The following PTPRB variants were observed in gnomAD, a reference collection of about 807,000 sequenced individuals.
The protein encoded by PTPRB is protein tyrosine phosphatase receptor type B.
A neutral mutation model predicts 238.1 loss-of-function variants in PTPRB; 97 were observed. The ratio of observed to expected loss-of-function variants is 0.41; its 90% confidence interval spans 0.35 to 0.48. PTPRB has a LOEUF of 0.48. Ranked by LOEUF, PTPRB falls within the 20% of genes least tolerant of loss-of-function variation. The pLI is 0.30. For missense variants in PTPRB, 2,292 were observed against 2,681.9 expected, an observed-to-expected ratio of 0.85 and a Z score of 3.21; for synonymous variants, 970 against 995.4, an observed-to-expected ratio of 0.97 and a Z score of 0.48.
rs147227602 is a variant in PTPRB at position 70,538,958 on chromosome 12, A to C, written c.5835T>G (p.Asn1945Lys). 1 of 1,613,734 alleles carries C rather than the reference A, an allele frequency of 6.2e-7. No homozygotes were observed. Among genetic ancestry groups the C allele is most frequent in the African/African-American group, 1.3e-5 (1 of 75,058 alleles). The stretch of plus-strand genomic sequence containing the variant: ...TATTGTTGTATCGATTTTTCCCTCT[A>C]TTCTCCGGCAAGAGTGCAATGTCAC... ...QSCDIALLPE[N>K]RGKNRYNNIL... The change falls in exon 27 of 34, where the codon AAT (asparagine) becomes AAG (lysine). Residue 1945 changes from asparagine to lysine, a missense_variant. Asn to Lys is a moderately conservative substitution (Grantham distance 94, BLOSUM62 0). Around this residue, in one of 4 missense-constraint regions of PTPRB, gnomAD observed 397 missense variants for 502.0 expected, o/e 0.79. Transcript: ENST00000334414.
chr12:70,544,660 G>A lies in PTPRB; in HGVS notation c.5391C>T (p.Ile1797=), dbSNP rs114042809. 743 of 1,567,042 alleles carry A rather than the reference G, an allele frequency of 4.7e-4. 3 individuals are homozygous for A. The African/African-American group carries it at 8.9e-3, about 19-fold the overall frequency. Residue 1797 remains isoleucine, a synonymous_variant, in exon 22 of 34, where the codon ATC becomes ATT. Coordinates refer to ENST00000334414, the MANE Select transcript of PTPRB (RefSeq NM_001109754.4). ...AGAGCTGTGTAAAAGCTCGAATGCT[G>A]ATTCTGAAAAGAAAACCGATTTATT... The part of the protein sequence containing the change: ...GPLKPHTAYR[I]SIRAFTQLFD...
intron 4 of PTPRB, among the ~76,000 whole-genome samples, chr12:70,599,731 TC>T (rs2136498500): frequency 6.6e-6 from 1 of 152,288 alleles, no homozygotes; most frequent in East Asian, 1.9e-4. Context: ...ACACAATTTT[TC>T]TTTTCTCAAA....
intron 10 of PTPRB, among the ~76,000 whole-genome samples, chr12:70,577,424 G>A (rs746249086): frequency 5.9e-5 from 9 of 152,154 alleles, no homozygotes; most frequent in Non-Finnish European, 1.0e-4. Context: ...ACGCATGAAT[G>A]TCTTCAAGAA....
chr12:70,576,836 T>C (rs1880835090), intron 10 of PTPRB, among the ~76,000 whole-genome samples, 191 bp from the exon 11 acceptor site: 1 of 152,100 alleles, frequency 6.6e-6, no homozygotes, highest in East Asian at 1.9e-4. Context: ...TGAGTGTTCT[T>C]ACATCAGAAA....
chr12:70,554,227 G>C (rs1325385557), intron 20 of PTPRB, among the ~76,000 whole-genome samples: 1 of 152,182 alleles, frequency 6.6e-6, no homozygotes, highest in Non-Finnish European at 1.5e-5. Context: ...CATTGGCCTA[G>C]AAACTCCTCA....
chr12:70,605,424 C>T (rs1592579401), intron 4 of PTPRB, among the ~76,000 whole-genome samples: 1 of 152,202 alleles, frequency 6.6e-6, no homozygotes, highest in Admixed American at 6.5e-5. Context: ...ATCCATCTAT[C>T]CATCCATTTA....
At chr12:70,601,603 T>G (rs1441731933) in intron 4 of PTPRB, among the ~76,000 whole-genome samples, 2 of 151,924 alleles carry the variant, frequency 1.3e-5, no homozygotes, top group Non-Finnish European at 2.9e-5. Context: ...GGAGTAAACA[T>G]CCACTATTCA....
intron 3 of PTPRB, among the ~76,000 whole-genome samples, chr12:70,619,157 AGTGTGTGTGTGTGTGT>A (rs3049143): frequency 7.0e-6 from 1 of 142,118 alleles, no homozygotes; most frequent in Non-Finnish European, 1.5e-5. Flanking sequence ...TGTTTAGGGG[AGTGTGTGTGTGTGTGT>A]GTGTGTGTGT....
At chr12:70,584,883 AATT>A (rs1189290873) in intron 9 of PTPRB, 1 of 152,150 alleles carries the variant, frequency 6.6e-6, no homozygotes, top group Non-Finnish European at 1.5e-5. Context: ...ATAAAGCAAT[AATT>A]ATATTTTTGT....
intron 32 of PTPRB, among the ~76,000 whole-genome samples, chr12:70,525,127 A>T (rs1357985896): frequency 6.6e-6 from 1 of 152,142 alleles, no homozygotes; most frequent in East Asian, 1.9e-4. Flanking sequence ...AATGATTTCA[A>T]AAACCTTGTG....
chr12:70,545,329 A>G (rs10879160), intron 21 of PTPRB, among the ~76,000 whole-genome samples: 19,416 of 152,180 alleles, frequency 0.13, 2,873 homozygotes, highest in African/African-American at 0.36. Flanking sequence ...AAATATCAAT[A>G]TTATTGTTGT....
chr12:70,562,700 T>C lies in PTPRB; in HGVS notation c.4168+144A>G, dbSNP rs865870554. The C allele has an allele frequency of 3.5e-5, 37 of 1,045,554 alleles. No homozygotes were observed. In the South Asian group the frequency reaches 5.9e-4, roughly 17 times the overall value. 64.8% of individuals were successfully genotyped at this position (1,045,554 alleles called of 1,614,324 possible). A position where few individuals can be genotyped will look rare whatever the true frequency, so the allele number is the denominator to read the frequency against. ...GTTATATATAATCAAAGGTGCGATT[T>C]AGGGTCAAACAGCCTGAAAGTCACA... is the stretch of plus-strand genomic sequence containing the variant. On this transcript the variant is annotated intron_variant, in intron 16 of 33. Coordinates refer to ENST00000334414, the MANE Select transcript of PTPRB (RefSeq NM_001109754.4).
At chr12:70,629,367 A>G (rs1885342303) in intron 2 of PTPRB, among the ~76,000 whole-genome samples, 1 of 152,230 alleles carries the variant, frequency 6.6e-6, no homozygotes. Context: ...AACAAAATGA[A>G]GGCAGAAATA....
chr12:70,584,694 A>G (rs918563350), intron 9 of PTPRB, among the ~76,000 whole-genome samples: 3 of 152,190 alleles, frequency 2.0e-5, no homozygotes, highest in African/African-American at 7.2e-5. Flanking sequence ...ATATAAAAAT[A>G]TGCCCAGCAA....
At chr12:70,528,581 C>A (rs1185750188) in intron 32 of PTPRB, among the ~76,000 whole-genome samples, 1 of 152,114 alleles carries the variant, frequency 6.6e-6, no homozygotes, top group Non-Finnish European at 1.5e-5. Flanking sequence ...AAAAGAAATC[C>A]ACTCCATTGA....
Position 70,576,662 on chromosome 12 carries a change from T to TAG in PTPRB, c.2579-18_2579-17insCT, listed in dbSNP as rs1555230172. The TAG allele has an allele frequency of 2.0e-4, 3 of 15,292 alleles. No individual in the cohort carries two copies. The highest frequency in any genetic ancestry group is 6.5e-4 in the African/African-American group (2 of 3,082). The allele number at this position is 15,292 out of a possible 1,614,324, so 0.9% of individuals were successfully genotyped here. Reference sequence around the variant, plus strand: ...TGGAAGGGACTGTGATTTTGAAAGGTGGGGGGCGGGGGGGGGGGGGAAGGG... The same window carrying TAG: ...TGGAAGGGACTGTGATTTTGAAAGGTAGGGGGGGCGGGGGGGGGGGGGAAGGG... On this transcript the variant is annotated splice_polypyrimidine_tract_variant and intron_variant, in intron 10 of 33. Transcript: ENST00000334414.
chr12:70,521,567 A>C, intron 33 of PTPRB, 56 bp from the exon 34 acceptor site: 1 of 1,436,970 alleles, frequency 7.0e-7, no homozygotes, highest in African/African-American at 1.5e-5. Flanking sequence ...ATAATTGTTT[A>C]CGCTGTTTAT....
chr12:70,528,057 C>T (rs1396223412), intron 32 of PTPRB, among the ~76,000 whole-genome samples: 1 of 152,074 alleles, frequency 6.6e-6, no homozygotes, highest in Non-Finnish European at 1.5e-5. Context: ...TGGCAAAAAC[C>T]GTGACTACTT....
intron 6 of PTPRB, among the ~76,000 whole-genome samples, chr12:70,593,436 C>G (rs1038953700): frequency 6.7e-6 from 1 of 148,242 alleles, no homozygotes; most frequent in African/African-American, 2.5e-5. Context: ...TCACTTGAAC[C>G]TGGGAGGCTG....
Sources: allele counts gnomAD v4.1 joint callset (sites outside exome capture counted in the v4.1 genomes callset), GRCh38; gene constraint gnomAD v4.1.1; regional missense constraint gnomAD v4.1.1; transcripts MANE v1.5; gene names NCBI Gene and HGNC (gene_info 2026-07-23, HGNC 2026-07-21).